The following PDGFC variants were observed in gnomAD, a reference collection of about 807,000 sequenced individuals.
PDGFC encodes platelet derived growth factor C, also known as platelet-derived growth factor C.
Under a neutral mutation model 35.5 loss-of-function variants are expected in PDGFC, and 12 were observed. The ratio of observed to expected loss-of-function variants is 0.34; its 90% CI spans 0.22 to 0.55. The LOEUF (loss-of-function observed/expected upper bound fraction) is 0.55, where lower values mean the gene tolerates loss of function less well. Among genes scored for constraint, PDGFC ranks in the 20% least tolerant of loss-of-function variants. The pLI, the probability that PDGFC is intolerant of heterozygous loss-of-function variation, is 0.91. For missense variants in PDGFC, 322 were observed against 412.4 expected, an observed-to-expected ratio of 0.78 and a Z score of 1.90; for synonymous variants, 159 against 148.8, an observed-to-expected ratio of 1.07 and a Z score of -0.50.
chr4:156,916,479 T>TCTGACAAGATGTCA (rs1731158792), intron 1 of PDGFC, among the ~76,000 whole-genome samples: 1 of 152,188 alleles, frequency 6.6e-6, no homozygotes, highest in Admixed American at 6.5e-5. Flanking sequence ...ATGTCTTCCT[T>TCTGACAAGATGTCA]CTGACAAGAT....
At chr4:156,840,452 A>G (rs955459506) in intron 2 of PDGFC, among the ~76,000 whole-genome samples, 1 of 152,194 alleles carries the variant, frequency 6.6e-6, no homozygotes, top group Non-Finnish European at 1.5e-5. Flanking sequence ...ACTTTAGAGG[A>G]TCTATGGAAA....
At chr4:156,960,579 A>C (rs1341593781) in intron 1 of PDGFC, among the ~76,000 whole-genome samples, 1 of 151,828 alleles carries the variant, frequency 6.6e-6, no homozygotes, top group East Asian at 2.0e-4. Context: ...AGTTGTAGAG[A>C]TGTCACTGCC....
intron 3 of PDGFC, among the ~76,000 whole-genome samples, chr4:156,779,432 C>T (rs1468304405): frequency 2.6e-5 from 4 of 152,096 alleles, no homozygotes; most frequent in Non-Finnish European, 5.9e-5. Flanking sequence ...GGTTCTTATT[C>T]AAAGAGCATG....
chr4:156,944,028 C>T (rs767850466), intron 1 of PDGFC, among the ~76,000 whole-genome samples: 1 of 152,098 alleles, frequency 6.6e-6, no homozygotes, highest in Non-Finnish European at 1.5e-5. Flanking sequence ...GTAAATTGAG[C>T]AAGTCTGCTT....
At chr4:156,910,299 T>A (rs940390818) in intron 1 of PDGFC, among the ~76,000 whole-genome samples, 2 of 152,166 alleles carry the variant, frequency 1.3e-5, no homozygotes, top group Non-Finnish European at 2.9e-5. Flanking sequence ...TCTGCTAATG[T>A]TGACATGTTT....
intron 1 of PDGFC, among the ~76,000 whole-genome samples, chr4:156,873,414 T>C (rs556902079): frequency 6.6e-6 from 1 of 152,186 alleles, no homozygotes; most frequent in Non-Finnish European, 1.5e-5. Context: ...TCTGAAGGTG[T>C]GGTAGTTGTA....
chr4:156,971,555 C>A lies in PDGFC; in HGVS notation c.-652G>T, dbSNP rs1230744016. Among the ~76,000 whole-genome samples, 1 of 150,984 alleles carries A rather than the reference C, an allele frequency of 6.6e-6. No homozygotes were observed. Among genetic ancestry groups the A allele is most frequent in the Non-Finnish European group, 1.5e-5 (1 of 67,650 alleles). Reference sequence around the variant, plus strand: ...CAGGCGGAGAGAGGCCGCGGGGCTCCCGCTCCTCAGCCCGGAGCGCAGTTG... The same window carrying A: ...CAGGCGGAGAGAGGCCGCGGGGCTCACGCTCCTCAGCCCGGAGCGCAGTTG... On this transcript the variant is annotated 5_prime_UTR_variant, in exon 1 of 6. Transcript: ENST00000502773.
chr4:156,964,157 G>A (rs1732407127), intron 1 of PDGFC, among the ~76,000 whole-genome samples: 2 of 151,726 alleles, frequency 1.3e-5, no homozygotes, highest in Non-Finnish European at 2.9e-5. Flanking sequence ...GAGATGTACT[G>A]TTAAATGAAA....
At chr4:156,899,613 G>C (rs1336545517) in intron 1 of PDGFC, among the ~76,000 whole-genome samples, 13 of 152,158 alleles carry the variant, frequency 8.5e-5, no homozygotes, top group Non-Finnish European at 1.0e-4. Context: ...TCAGGAGTTT[G>C]AGACCAGCCT....
chr4:156,894,882 A>T (rs1353365365), intron 1 of PDGFC, among the ~76,000 whole-genome samples: 1 of 152,184 alleles, frequency 6.6e-6, no homozygotes, highest in African/African-American at 2.4e-5. Flanking sequence ...ACATTCTTTG[A>T]AGAATCTCTA....
intron 2 of PDGFC, among the ~76,000 whole-genome samples, chr4:156,839,049 C>T (rs993623294): frequency 6.6e-5 from 10 of 152,202 alleles, no homozygotes; most frequent in South Asian, 2.1e-4. Flanking sequence ...TGAAAGGAAG[C>T]GGTGTATTAA....
chr4:156,766,295 T>A (rs1027754975), intron 5 of PDGFC, among the ~76,000 whole-genome samples: 5 of 152,142 alleles, frequency 3.3e-5, no homozygotes, highest in African/African-American at 4.8e-5. Context: ...GTTCCTGACT[T>A]GCTTTTCTGA....
rs543906016 is a variant in PDGFC, at chr4:156,790,848, T to G, written c.496-17955A>C. ...CTGAGAACGGGGCAAGCCAATAAAT[T>G]AAGTTCCTCTGGCACAGGGTAGGAA... On this transcript the variant is annotated intron_variant, in intron 3 of 5. Transcript: ENST00000502773. 8.5e-5 allele frequency among the ~76,000 whole-genome samples: 13 copies of G among 152,332 alleles called. No individual in the cohort carries two copies. In the South Asian group the frequency reaches 2.5e-3, roughly 29 times the overall value.
chr4:156,884,525 G>A (rs1301196358), intron 1 of PDGFC, among the ~76,000 whole-genome samples: 2 of 152,072 alleles, frequency 1.3e-5, no homozygotes, highest in Non-Finnish European at 2.9e-5. Flanking sequence ...TTAGACAGTC[G>A]AGTATCTAGA....
chr4:156,819,258 C>T (rs1732180892), intron 2 of PDGFC, among the ~76,000 whole-genome samples: 1 of 152,004 alleles, frequency 6.6e-6, no homozygotes, highest in Admixed American at 6.6e-5. Context: ...AAAAAAAACA[C>T]CAGATTTTCA....
rs528612747 is a variant in PDGFC, at chr4:156,761,652, T to G, written c.*1438A>C. The G allele has an allele frequency of 6.5e-5, 10 of 152,762 alleles. No homozygotes were observed. Among genetic ancestry groups the G allele is most frequent in the African/African-American group, 2.2e-4 (9 of 41,578 alleles). 9.5% of individuals were successfully genotyped at this position (152,762 alleles called of 1,614,324 possible). ...ATAGCCACATTCTTTTATTTGATGA[T>G]TCAATACATTTTTGATTCAAATAGT... On this transcript the variant is annotated 3_prime_UTR_variant, in exon 6 of 6. Coordinates refer to ENST00000502773, the MANE Select transcript of PDGFC (RefSeq NM_016205.3).
intron 2 of PDGFC, among the ~76,000 whole-genome samples, chr4:156,837,105 A>G (rs140018813): frequency 6.6e-6 from 1 of 152,382 alleles, no homozygotes; most frequent in African/African-American, 2.4e-5. Context: ...TAATATTTCA[A>G]TACTGGAGGT....
chr4:156,888,002 T>TAA (rs35591023), intron 1 of PDGFC, among the ~76,000 whole-genome samples: 20 of 125,850 alleles, frequency 1.6e-4, no homozygotes, highest in African/African-American at 2.4e-4. Flanking sequence ...AACCCCGTCT[T>TAA]AAAAAAAAAA....
intron 1 of PDGFC, among the ~76,000 whole-genome samples, chr4:156,964,951 T>C (rs1293391453): frequency 6.6e-6 from 1 of 152,038 alleles, no homozygotes; most frequent in Non-Finnish European, 1.5e-5. Context: ...TTTTCAAGAG[T>C]CCTTGGTCTG....
Sources: gnomAD v4.1 joint callset for allele counts (sites outside exome capture counted in the v4.1 genomes callset) on GRCh38, gnomAD v4.1.1 for gene constraint, MANE v1.5 for transcripts, NCBI Gene and HGNC (gene_info 2026-07-23, HGNC 2026-07-21) for gene names.